CHST13: variants seen among roughly 807,000 people sequenced by gnomAD.
CHST13 encodes carbohydrate sulfotransferase 13.
Under a neutral mutation model 7.0 loss-of-function variants are expected in CHST13, and 1 was observed. The observed-to-expected ratio is 0.14, with a 90% CI of 0.05 to 0.68. CHST13 has a LOEUF of 0.68. Ranked by LOEUF, CHST13 falls within the 30% of genes least tolerant of loss-of-function variation. The probability of loss-of-function intolerance (pLI) is 0.82; values close to 1 mark genes in which losing one functional copy is unlikely to be tolerated. For missense variants in CHST13, 572 were observed against 507.9 expected (o/e 1.13, Z -1.21); for synonymous variants, 257 against 240.9 (o/e 1.07, Z -0.62).
chr3:126,541,971 C>A lies in CHST13; in HGVS notation c.419C>A (p.Ala140Glu). ...CGCGGCGACCCGCGCGCCATCTCCG[C>A]GCAAGAGGCGCACGCGCCTGGCCGC... ...QARGDPRAISAQEAHAPGRLP... is the reference protein window; with the variant it reads ...QARGDPRAISEQEAHAPGRLP... Residue 140 changes from alanine to glutamate, a missense_variant, in exon 3 of 3, where the codon GCG becomes GAG. Coordinates refer to ENST00000319340, the MANE Select transcript of CHST13 (RefSeq NM_152889.3). 1.9e-6 allele frequency: 3 copies of A among 1,578,306 alleles called. No individual in the cohort carries two copies. Among genetic ancestry groups the A allele is most frequent in the South Asian group, 2.3e-5 (2 of 87,396 alleles).
chr3:126,541,174 G>A (rs1229791280), intron 2 of CHST13, among the ~76,000 whole-genome samples: 1 of 152,236 alleles, frequency 6.6e-6, no homozygotes, highest in African/African-American at 2.4e-5. Context: ...AGGAGGGACA[G>A]GCTCAGAAGG....
chr3:126,536,469 G>T lies in CHST13; in HGVS notation c.180+116G>T, dbSNP rs1576231559. 10 of 738,626 alleles carry T rather than the reference G, an allele frequency of 1.4e-5. No homozygotes were observed. In the East Asian group the frequency reaches 2.7e-4, roughly 20 times the overall value. The allele number at this position is 738,626 out of a possible 1,614,324, so 45.8% of individuals were successfully genotyped here. ...GGACCCCACACTGGGGCACAGAAGG[G>T]CATCCTCCCCAAACCAGGCTTTGTC... is the stretch of plus-strand genomic sequence containing the variant. On this transcript the variant is annotated intron_variant, in intron 2 of 2. Coordinates refer to ENST00000319340, the MANE Select transcript of CHST13 (RefSeq NM_152889.3).
At chr3:126,530,418 G>A (rs1936631345) in intron 1 of CHST13, among the ~76,000 whole-genome samples, 1 of 152,224 alleles carries the variant, frequency 6.6e-6, no homozygotes, top group Admixed American at 6.5e-5. Context: ...CAGGGCCCTG[G>A]GGCGGAGACA....
chr3:126,524,401 A>G lies in CHST13; in HGVS notation c.69A>G (p.Leu23=). 2 of 1,191,918 alleles carry G rather than the reference A, an allele frequency of 1.7e-6. No homozygotes were observed. The highest frequency in any genetic ancestry group is 1.6e-5 in the African/African-American group (1 of 62,898). The allele number at this position is 1,191,918 out of a possible 1,614,324, so 73.8% of individuals were successfully genotyped here. A position where few individuals can be genotyped will look rare whatever the true frequency, so the allele number is the denominator to read the frequency against. The part of the protein sequence containing the change: ...AACLGAALLL[L]CAAPRSLRPA... Reference sequence around the variant, plus strand: ...GTCTGGGCGCCGCGCTCCTGCTCCTATGCGCCGCGCCCCGCTCCCTGCGCC... The same window carrying G: ...GTCTGGGCGCCGCGCTCCTGCTCCTGTGCGCCGCGCCCCGCTCCCTGCGCC... The change falls in exon 1 of 3, where the codon CTA becomes CTG. Residue 23 remains leucine, a synonymous_variant. Transcript: ENST00000319340.
intron 2 of CHST13, among the ~76,000 whole-genome samples, chr3:126,540,330 T>G (rs908609646): frequency 6.6e-6 from 1 of 152,198 alleles, no homozygotes; most frequent in Non-Finnish European, 1.5e-5. Context: ...AACATTGTGA[T>G]CACCCTCAAA....
intron 1 of CHST13, chr3:126,529,355 G>A: frequency 2.3e-6 from 3 of 1,289,352 alleles, no homozygotes; most frequent in Non-Finnish European, 2.0e-6. Flanking sequence ...ATGGGTCAGT[G>A]AAATGGGGCC....
At chr3:126,526,811 C>G (rs1213720638) in intron 1 of CHST13, among the ~76,000 whole-genome samples, 1 of 152,228 alleles carries the variant, frequency 6.6e-6, no homozygotes, top group Non-Finnish European at 1.5e-5. Flanking sequence ...CCCCAGTGCC[C>G]AGCGGCAGCT....
At chr3:126,538,826 C>T (rs1251849173) in intron 2 of CHST13, among the ~76,000 whole-genome samples, 2 of 152,170 alleles carry the variant, frequency 1.3e-5, no homozygotes, top group Admixed American at 6.5e-5. Context: ...TCTTATTTCA[C>T]TTAGCATGAT....
chr3:126,539,988 G>GACAC (rs368474448), intron 2 of CHST13, among the ~76,000 whole-genome samples: 1 of 72,904 alleles, frequency 1.4e-5, no homozygotes, highest in African/African-American at 5.1e-5. Context: ...ACACACGCAT[G>GACAC]ACACACACAC....
chr3:126,530,320 C>T lies in CHST13; in HGVS notation c.97+5891C>T, dbSNP rs569437565. Among the ~76,000 whole-genome samples, 19 of 152,388 alleles carry T rather than the reference C, an allele frequency of 1.2e-4. 1 individual carries two copies. Among genetic ancestry groups the T allele is most frequent in the Middle Eastern group, 3.4e-3 (1 of 294 alleles). On this transcript the variant is annotated intron_variant, in intron 1 of 2. Coordinates refer to ENST00000319340, the MANE Select transcript of CHST13 (RefSeq NM_152889.3). ...GGCCCCTGGGGGCTGTTATGGTACC[C>T]ACTTTCCAGCAGGCTGTGGTCTGGC...
chr3:126,541,886 G>C lies in CHST13; in HGVS notation c.334G>C (p.Val112Leu). The C allele has an allele frequency of 6.2e-7, 1 of 1,600,136 alleles. No individual in the cohort carries two copies. The highest frequency in any genetic ancestry group is 8.5e-7 in the Non-Finnish European group (1 of 1,173,940). The change falls in exon 3 of 3, where the codon GTG becomes CTG. Residue 112 changes from valine (V) to leucine (L), a missense_variant. Transcript: ENST00000319340. ...CGCGCATGGCCTGCTCTACTGCTAC[G>C]TGCCCAAGGTGGCCTGCACCAACTG... ...DDAHGLLYCYVPKVACTNWKR... is the reference protein window; with the variant it reads ...DDAHGLLYCYLPKVACTNWKR...
chr3:126,540,310 C>G (rs2107572631), intron 2 of CHST13, among the ~76,000 whole-genome samples: 1 of 152,314 alleles, frequency 6.6e-6, no homozygotes, highest in South Asian at 2.1e-4. Context: ...TCACCGCTGT[C>G]TAATTTCCAA....
At chr3:126,539,118 A>C (rs1192210732) in intron 2 of CHST13, among the ~76,000 whole-genome samples, 2 of 152,124 alleles carry the variant, frequency 1.3e-5, no homozygotes, top group East Asian at 3.9e-4. Context: ...TTCATTTTGA[A>C]AAATTCAAGC....
chr3:126,536,924 C>CA (rs1553813737), intron 2 of CHST13, among the ~76,000 whole-genome samples: 1 of 147,076 alleles, frequency 6.8e-6, no homozygotes. Context: ...CACACACACA[C>CA]CCCACACACA....
intron 1 of CHST13, among the ~76,000 whole-genome samples, chr3:126,525,854 T>G (rs1936527451): frequency 6.6e-6 from 1 of 152,150 alleles, no homozygotes; most frequent in Non-Finnish European, 1.5e-5. Context: ...CTACCCAGGT[T>G]TGAGGGATGA....
chr3:126,537,628 G>A (rs1463103916), intron 2 of CHST13, among the ~76,000 whole-genome samples: 1 of 152,198 alleles, frequency 6.6e-6, no homozygotes, highest in Non-Finnish European at 1.5e-5. Context: ...CAGGCACTCA[G>A]TAGGGCCCTG....
At chr3:126,537,592 G>A (rs1305809564) in intron 2 of CHST13, among the ~76,000 whole-genome samples, 1 of 152,164 alleles carries the variant, frequency 6.6e-6, no homozygotes, top group Non-Finnish European at 1.5e-5. Flanking sequence ...ACTGACTCTG[G>A]GCCACACAGC....
Position 126,542,522 on chromosome 3 carries a change from A to C in CHST13, c.970A>C (p.Lys324Gln). ...CCAGCGGCGCCTCTTCGACCTCTAC[A>C]AGATGGACTTCCTGCTTTTCAACTA... ...FYQRRLFDLY[K>Q]MDFLLFNYSA... Residue 324 changes from lysine to glutamine, a missense_variant, in exon 3 of 3, where the codon AAG becomes CAG. By Grantham distance (53) the Lys-to-Gln change is moderately conservative (BLOSUM62 1). Coordinates refer to ENST00000319340, the MANE Select transcript of CHST13 (RefSeq NM_152889.3). 1 of 1,545,414 alleles carries C rather than the reference A, an allele frequency of 6.5e-7. No homozygotes were observed. The highest frequency in any genetic ancestry group is 8.7e-7 in the Non-Finnish European group (1 of 1,152,318).
At position 126,536,923 on chromosome 3, in the gene CHST13, A is replaced by ACC. The variant is rs1553813759; in HGVS notation, c.180+573_180+574dup. 6.5e-3 allele frequency among the ~76,000 whole-genome samples: 922 copies of ACC among 141,552 alleles called. 14 individuals are homozygous for ACC. Among genetic ancestry groups the ACC allele is most frequent in the African/African-American group, 0.022 (815 of 36,356 alleles). The allele number at this position is 141,552 out of a possible 152,430, so 92.9% of individuals were successfully genotyped here. A position where few individuals can be genotyped will look rare whatever the true frequency, so the allele number is the denominator to read the frequency against. On this transcript the variant is annotated intron_variant, in intron 2 of 2. Transcript: ENST00000319340. ...CACACACACACACACACACACACAC[A>ACC]CCCCACACACACAAGTACTTATTCG...
Sources: allele counts gnomAD v4.1 joint callset (sites outside exome capture counted in the v4.1 genomes callset), GRCh38; gene constraint gnomAD v4.1.1; transcripts MANE v1.5; gene names NCBI Gene and HGNC (gene_info 2026-07-23, HGNC 2026-07-21).